CDH19: variants seen among roughly 807,000 people sequenced by gnomAD.
CDH19 encodes the protein cadherin 19, also known as cadherin-19.
Under a neutral mutation model 64.2 loss-of-function variants are expected in CDH19, and 67 were observed. That is an observed-to-expected ratio of 1.04 (90% confidence interval 0.86 to 1.28). The LOEUF is 1.28. Among genes scored for constraint, CDH19 ranks in the 50% most tolerant of loss-of-function variants. The probability of loss-of-function intolerance (pLI) is 0.00; values close to 1 mark genes in which losing one functional copy is unlikely to be tolerated. For missense variants in CDH19, 1,030 were observed against 929.0 expected (o/e 1.11, Z -1.41); for synonymous variants, 346 against 319.3 (o/e 1.08, Z -0.89).
At chr18:66,601,549 G>A (rs1254517875) in intron 1 of CDH19, among the ~76,000 whole-genome samples, 3 of 151,934 alleles carry the variant, frequency 2.0e-5, no homozygotes, top group African/African-American at 7.2e-5. Context: ...TTGTGCCAAG[G>A]CAGGATTTTT....
chr18:66,582,718 A>T (rs1236761418), intron 1 of CDH19, among the ~76,000 whole-genome samples: 1 of 148,684 alleles, frequency 6.7e-6, no homozygotes, highest in Non-Finnish European at 1.5e-5. Context: ...GGAGCCTCTG[A>T]TGCCCTCTTT....
chr18:66,599,660 CAT>C (rs1255698222), intron 1 of CDH19, among the ~76,000 whole-genome samples: 1 of 151,774 alleles, frequency 6.6e-6, no homozygotes, highest in East Asian at 1.9e-4. Flanking sequence ...GTTTATGTCT[CAT>C]AAATTTATTC....
At position 66,553,974 on chromosome 18, in the gene CDH19, G is replaced by A. The variant is rs775643490; in HGVS notation, c.610+431C>T. 3.8e-4 allele frequency among the ~76,000 whole-genome samples: 34 copies of A among 88,822 alleles called. 3 individuals are homozygous for A. Among genetic ancestry groups the A allele is most frequent in the Non-Finnish European group, 5.5e-4 (27 of 49,012 alleles). 58.3% of individuals were successfully genotyped at this position (88,822 alleles called of 152,430 possible). Reference sequence around the variant, plus strand: ...AGCCTTATACTCAGACTTAATCTCAGTCATTCTGCAGGGTTATGCAGCTGT... The same window carrying A: ...AGCCTTATACTCAGACTTAATCTCAATCATTCTGCAGGGTTATGCAGCTGT... On this transcript the variant is annotated intron_variant, in intron 4 of 11. Coordinates refer to ENST00000262150, the MANE Select transcript of CDH19 (RefSeq NM_021153.4).
At chr18:66,565,692 C>T (rs1256193051) in intron 3 of CDH19, among the ~76,000 whole-genome samples, 2 of 151,918 alleles carry the variant, frequency 1.3e-5, no homozygotes, top group East Asian at 3.9e-4. Context: ...ATTTACTTCA[C>T]AGTCAACACA....
intron 3 of CDH19, among the ~76,000 whole-genome samples, chr18:66,564,703 A>G (rs555941545): frequency 1.3e-5 from 2 of 152,020 alleles, no homozygotes; most frequent in South Asian, 2.1e-4. Flanking sequence ...GTACAATATC[A>G]ATATCTATTT....
At chr18:66,559,474 T>C (rs75421972) in intron 3 of CDH19, among the ~76,000 whole-genome samples, 2,212 of 151,826 alleles carry the variant, frequency 0.015, 51 homozygotes, top group African/African-American at 0.05. Flanking sequence ...AATGAGGCAA[T>C]ACCATGCAGT....
At chr18:66,539,758 A>G (rs931517422) in intron 7 of CDH19, among the ~76,000 whole-genome samples, 1 of 151,814 alleles carries the variant, frequency 6.6e-6, no homozygotes, top group African/African-American at 2.4e-5. Context: ...TATCAGTGGC[A>G]TCAATTTTTA....
At chr18:66,554,357 GC>G in intron 4 of CDH19, 47 bp downstream of exon 4, 2 of 1,594,292 alleles carry the variant, frequency 1.3e-6, no homozygotes, top group Non-Finnish European at 1.7e-6. Context: ...GCTGACAATT[GC>G]CTTCTTTAGA....
intron 3 of CDH19, among the ~76,000 whole-genome samples, chr18:66,555,020 G>T (rs930246689): frequency 1.3e-5 from 2 of 151,724 alleles, no homozygotes; most frequent in African/African-American, 4.8e-5. Context: ...TAATTATTCA[G>T]CTCCTTTAAT....
At chr18:66,571,964 T>A in intron 2 of CDH19, 46 bp downstream of exon 2, 1 of 1,375,786 alleles carries the variant, frequency 7.3e-7, no homozygotes, top group South Asian at 1.4e-5. Context: ...ACATATTTAT[T>A]TACATTGTTG....
intron 1 of CDH19, among the ~76,000 whole-genome samples, chr18:66,574,075 T>G (rs1007177023): frequency 1.3e-5 from 2 of 151,706 alleles, no homozygotes; most frequent in Middle Eastern, 3.2e-3. Context: ...CACAATGCAG[T>G]TTTTTGGTAC....
chr18:66,576,975 T>C (rs778515257), intron 1 of CDH19, among the ~76,000 whole-genome samples: 8 of 151,570 alleles, frequency 5.3e-5, no homozygotes, highest in Non-Finnish European at 1.2e-4. Context: ...ATAATATAAA[T>C]AATTCAAAGA....
At chr18:66,597,080 T>C (rs1227110457) in intron 1 of CDH19, among the ~76,000 whole-genome samples, 3 of 13,522 alleles carry the variant, frequency 2.2e-4, no homozygotes, top group African/African-American at 3.5e-4. Flanking sequence ...AGACTCCATC[T>C]CAAAAAAAAA....
chr18:66,588,249 T>A (rs1325314082), intron 1 of CDH19, among the ~76,000 whole-genome samples: 3 of 152,124 alleles, frequency 2.0e-5, no homozygotes, highest in Non-Finnish European at 4.4e-5. Context: ...TGTCTAGGGT[T>A]GGTTCCCACC....
intron 9 of CDH19, among the ~76,000 whole-genome samples, chr18:66,518,504 G>A (rs1423559542): frequency 6.6e-6 from 1 of 152,154 alleles, no homozygotes; most frequent in African/African-American, 2.4e-5. Flanking sequence ...AAAGTGCTGG[G>A]ATTACACACG....
intron 5 of CDH19, among the ~76,000 whole-genome samples, chr18:66,547,554 G>GAACA (rs1412589553): frequency 6.6e-6 from 1 of 150,890 alleles, no homozygotes; most frequent in Non-Finnish European, 1.5e-5. Context: ...TTGGCTTGAA[G>GAACA]AACATGAAAC....
At chr18:66,553,043 G>C (rs114122720) in intron 4 of CDH19, among the ~76,000 whole-genome samples, 1,578 of 133,734 alleles carry the variant, frequency 0.012, 476 homozygotes, top group African/African-American at 0.05. Flanking sequence ...CGTGTATTCT[G>C]CCTTGACCAC....
chr18:66,535,261 A>G (rs550062187), intron 7 of CDH19, among the ~76,000 whole-genome samples, 154 bp from the exon 8 acceptor site: 1 of 151,966 alleles, frequency 6.6e-6, no homozygotes, highest in Non-Finnish European at 1.5e-5. Context: ...ATATTCCTGT[A>G]TTTAAGATTC....
chr18:66,576,077 T>C lies in CDH19; in HGVS notation c.-112-3761A>G, dbSNP rs555738955. Among the ~76,000 whole-genome samples the C allele has an allele frequency of 1.7e-4, 25 of 150,676 alleles. No homozygotes were observed. In the South Asian group the frequency reaches 4.8e-3, roughly 29 times the overall value. ...ACAGAGTTTACTACAGGCTACAAAA[T>C]AGATAAAACTGAAGCCTAAAGAATA... On this transcript the variant is annotated intron_variant, in intron 1 of 11. Transcript: ENST00000262150.
Sources: gnomAD v4.1 joint callset for allele counts (sites outside exome capture counted in the v4.1 genomes callset) on GRCh38, gnomAD v4.1.1 for gene constraint, MANE v1.5 for transcripts, NCBI Gene and HGNC (gene_info 2026-07-23, HGNC 2026-07-21) for gene names.